CTIF: variants seen among roughly 807,000 people sequenced by gnomAD.
CTIF encodes cap binding complex dependent translation initiation factor, also known as CBP80/20-dependent translation initiation factor.
Under a neutral mutation model 66.0 loss-of-function variants are expected in CTIF, and 21 were observed. The observed-to-expected ratio is 0.32, with a 90% CI of 0.23 to 0.46. The LOEUF is 0.46. Ranked by LOEUF, CTIF falls within the 20% of genes least tolerant of loss-of-function variation. The pLI is 1.00. For missense variants in CTIF, 739 were observed against 812.7 expected (o/e 0.91, Z 1.10); for synonymous variants, 345 against 326.4 (o/e 1.06, Z -0.62).
At chr18:48,592,172 G>C (rs1388326354) in intron 1 of CTIF, among the ~76,000 whole-genome samples, 1 of 152,168 alleles carries the variant, frequency 6.6e-6, no homozygotes, top group Admixed American at 6.5e-5. Context: ...CTCTCTAGCT[G>C]CCGAGAGACC....
At chr18:48,636,331 T>C (rs539820144) in intron 2 of CTIF, among the ~76,000 whole-genome samples, 1 of 152,356 alleles carries the variant, frequency 6.6e-6, no homozygotes, top group African/African-American at 2.4e-5. Context: ...TTTTGTCATA[T>C]CTGGCTGACT....
intron 5 of CTIF, among the ~76,000 whole-genome samples, chr18:48,669,757 T>TAC (rs1179571180): frequency 7.8e-6 from 1 of 127,654 alleles, no homozygotes; most frequent in African/African-American, 2.8e-5. Flanking sequence ...ACAAGAAATA[T>TAC]ACACACACAC....
At chr18:48,694,781 C>T (rs8089264) in intron 6 of CTIF, among the ~76,000 whole-genome samples, 25,573 of 152,212 alleles carry the variant, frequency 0.17, 4,035 homozygotes, top group African/African-American at 0.42. Context: ...CTCCTTAAAG[C>T]ATCTGGATTC....
chr18:48,796,260 A>G (rs1312987216), intron 9 of CTIF, among the ~76,000 whole-genome samples: 1 of 147,510 alleles, frequency 6.8e-6, no homozygotes, highest in Admixed American at 6.7e-5. Context: ...CGCAAGCTCC[A>G]CCTCCCGGGT....
At chr18:48,558,101 C>T (rs72925510) in intron 1 of CTIF, among the ~76,000 whole-genome samples, 1 of 152,280 alleles carries the variant, frequency 6.6e-6, no homozygotes, top group Non-Finnish European at 1.5e-5. Context: ...ACTCTTGTTG[C>T]TCAGGCTGGA....
chr18:48,761,463 T>G lies in CTIF; in HGVS notation c.1145T>G (p.Met382Arg). 1.2e-6 allele frequency: 2 copies of G among 1,614,164 alleles called. No homozygotes were observed. The highest frequency in any genetic ancestry group is 1.7e-6 in the Non-Finnish European group (2 of 1,180,052). Residue 382 changes from methionine to arginine, a missense_variant, in exon 9 of 12, where the codon ATG becomes AGG. Met to Arg is a moderately conservative substitution (Grantham distance 91, BLOSUM62 -1). Coordinates refer to ENST00000256413, the MANE Select transcript of CTIF (RefSeq NM_014772.3). The surrounding 1 kb of genome is among the most constrained non-coding windows in gnomAD (Gnocchi z 4.2). ...MDKLIEILNS[M>R]RNNSSDVDTK... ...AAGCTGATCGAGATCCTGAACAGCA[T>G]GCGGAACAACAGCAGCGACGTGGAC... is the stretch of plus-strand genomic sequence containing the variant.
At chr18:48,848,766 C>T (rs1444678064) in intron 10 of CTIF, among the ~76,000 whole-genome samples, 1 of 152,220 alleles carries the variant, frequency 6.6e-6, no homozygotes, top group Non-Finnish European at 1.5e-5. Flanking sequence ...TCCCACCAGG[C>T]TGCCTTTCTC....
chr18:48,827,369 C>T (rs910913648), intron 10 of CTIF, among the ~76,000 whole-genome samples: 1 of 152,106 alleles, frequency 6.6e-6, no homozygotes, highest in Non-Finnish European at 1.5e-5. Context: ...TAACTCAGTG[C>T]CCGGAGGAGT....
At chr18:48,754,922 C>T (rs1323663021) in intron 7 of CTIF, among the ~76,000 whole-genome samples, 2 of 152,234 alleles carry the variant, frequency 1.3e-5, no homozygotes, top group Non-Finnish European at 2.9e-5. Context: ...GAGCCCCTGA[C>T]CACTAGCCAT....
chr18:48,605,269 G>T (rs1231865292), intron 1 of CTIF, among the ~76,000 whole-genome samples: 1 of 152,172 alleles, frequency 6.6e-6, no homozygotes, highest in Non-Finnish European at 1.5e-5. Context: ...GACTCCAGTT[G>T]CTCCACATCC....
At chr18:48,806,772 A>G (rs1485349801) in intron 9 of CTIF, among the ~76,000 whole-genome samples, 2 of 152,176 alleles carry the variant, frequency 1.3e-5, no homozygotes, top group African/African-American at 2.4e-5. Flanking sequence ...GGTTATCCCG[A>G]GTGGGAAGAA....
chr18:48,699,392 ATGGGGCTGGGGCTGGGGCTGGGGC>A (rs61519043), intron 6 of CTIF, among the ~76,000 whole-genome samples: 5 of 104,614 alleles, frequency 4.8e-5, no homozygotes, highest in African/African-American at 1.2e-4. Context: ...AAGTGCCAGC[ATGGGGCTGGGGCTGGGGCTGGGGC>A]TGGGGCTGGG....
intron 1 of CTIF, among the ~76,000 whole-genome samples, chr18:48,563,944 C>A (rs773996383): frequency 6.6e-6 from 1 of 152,190 alleles, no homozygotes; most frequent in African/African-American, 2.4e-5. Flanking sequence ...TCCCCTACCC[C>A]CTCAAAAGGC....
At chr18:48,543,465 C>A (rs1026620348) in intron 1 of CTIF, among the ~76,000 whole-genome samples, 2 of 152,144 alleles carry the variant, frequency 1.3e-5, no homozygotes, top group African/African-American at 4.8e-5. Context: ...CCCCTGCCTC[C>A]CGCTGTGTGC....
Position 48,859,680 on chromosome 18 carries a change from C to A in CTIF, c.*121C>A. ...AGAAAGAAATGGGGAGGAGGGCAGG[C>A]AGAGTCGGTGGCCAGTCTGGAGCCA... On this transcript the variant is annotated 3_prime_UTR_variant, in exon 12 of 12. Coordinates refer to ENST00000256413, the MANE Select transcript of CTIF (RefSeq NM_014772.3). The A allele has an allele frequency of 2.2e-6, 2 of 919,926 alleles. No individual in the cohort carries two copies. Among genetic ancestry groups the A allele is most frequent in the South Asian group, 1.4e-5 (1 of 71,484 alleles). The allele number at this position is 919,926 out of a possible 1,614,324, so 57.0% of individuals were successfully genotyped here. A position where few individuals can be genotyped will look rare whatever the true frequency, so the allele number is the denominator to read the frequency against.
intron 1 of CTIF, chr18:48,565,628 A>G (rs2089263748): frequency 6.6e-6 from 1 of 152,170 alleles, no homozygotes; most frequent in Non-Finnish European, 1.5e-5. Context: ...CCTGATCTGT[A>G]AAATAAGGGA....
rs1187958567 is a variant in CTIF, at chr18:48,845,324, A to G, written c.1528-12264A>G. 2.6e-5 allele frequency among the ~76,000 whole-genome samples: 4 copies of G among 152,326 alleles called. No individual in the cohort carries two copies. The East Asian group carries it at 7.7e-4, about 29-fold the overall frequency. On this transcript the variant is annotated intron_variant, in intron 10 of 11. Transcript: ENST00000256413. ...CCCCAGTAGCAGCACTGAAGTCATC[A>G]TGGCAAAGGTCACCCATGCTCTTCT...
intron 3 of CTIF, among the ~76,000 whole-genome samples, chr18:48,639,678 C>A (rs962677088): frequency 7.2e-5 from 11 of 152,196 alleles, no homozygotes; most frequent in Admixed American, 2.0e-4. Context: ...GTGGCATAAA[C>A]AAGAGGAATC....
intron 7 of CTIF, among the ~76,000 whole-genome samples, chr18:48,748,922 T>A (rs1907519577): frequency 6.6e-6 from 1 of 152,224 alleles, no homozygotes; most frequent in Non-Finnish European, 1.5e-5. Flanking sequence ...GCCCTCCCCA[T>A]GAGAAAGTTC....
Sources: allele counts gnomAD v4.1 joint callset (sites outside exome capture counted in the v4.1 genomes callset), GRCh38; gene constraint gnomAD v4.1.1; non-coding constraint Gnocchi (gnomAD v3.1); transcripts MANE v1.5; gene names NCBI Gene and HGNC (gene_info 2026-07-23, HGNC 2026-07-21).